NAA11: variants seen among roughly 807,000 people sequenced by gnomAD.
NAA11 encodes N-alpha-acetyltransferase 11, NatA catalytic subunit.
In NAA11, 15 loss-of-function variants were observed where a neutral mutation model predicts 16.1. That is an observed-to-expected ratio of 0.93 (90% CI 0.62 to 1.44). NAA11 has a LOEUF of 1.44. Among genes scored for constraint, NAA11 ranks in the 40% most tolerant of loss-of-function variants. The probability of loss-of-function intolerance (pLI) is 0.00; values close to 1 mark genes in which losing one functional copy is unlikely to be tolerated. For synonymous variants in NAA11, 122 were observed against 112.4 expected (o/e 1.09, Z -0.54); for missense variants, 298 against 291.3 (o/e 1.02, Z -0.17).
At chr4:79,256,635 TATATATATAAATATAA>T (rs1181710168) in intron 2 of NAA11, among the ~76,000 whole-genome samples, 1 of 106,434 alleles carries the variant, frequency 9.4e-6, no homozygotes, top group African/African-American at 3.2e-5. Flanking sequence ...AAATGAACCA[TATATATATAAATATAA>T]ATATATATAT....
intron 2 of NAA11, among the ~76,000 whole-genome samples, chr4:79,279,587 G>T (rs1722740184): frequency 6.6e-6 from 1 of 151,988 alleles, no homozygotes; most frequent in Admixed American, 6.6e-5. Context: ...CTCAACTCTG[G>T]GTCATTGCTT....
chr4:79,222,279 A>G (rs1721206216), downstream of NAA11, among the ~76,000 whole-genome samples: 1 of 151,820 alleles, frequency 6.6e-6, no homozygotes, highest in South Asian at 2.1e-4. Flanking sequence ...TTTCTTTATT[A>G]GTCTTGCTAG....
intron 2 of NAA11, among the ~76,000 whole-genome samples, chr4:79,270,359 C>A (rs1033577708): frequency 6.6e-6 from 1 of 151,856 alleles, no homozygotes; most frequent in Admixed American, 6.6e-5. Context: ...AGACCAATAA[C>A]AGGAGCTGAA....
intron 2 of NAA11, among the ~76,000 whole-genome samples, chr4:79,291,147 A>G (rs1723074456): frequency 6.6e-6 from 1 of 152,192 alleles, no homozygotes; most frequent in African/African-American, 2.4e-5. Context: ...GTTTATTTTA[A>G]AAGAGCGTGT....
the NAA11 span, among the ~76,000 whole-genome samples, chr4:79,189,390 C>A: frequency 2.6e-5 from 4 of 151,712 alleles, no homozygotes; most frequent in Non-Finnish European, 5.9e-5. Flanking sequence ...TTTGAGGAAG[C>A]AATAGGAAGT....
In NAA11 at chr4:79,244,400, G is replaced by C. The variant is rs572337027; in HGVS notation, c.*123-18130C>G. 2.0e-5 allele frequency among the ~76,000 whole-genome samples: 3 copies of C among 152,184 alleles called. No individual in the cohort carries two copies. The South Asian group carries it at 6.2e-4, about 32-fold the overall frequency. On this transcript the variant is annotated intron_variant and NMD_transcript_variant, in intron 2 of 2. Transcript: ENST00000511542. Reference sequence around the variant, plus strand: ...GATACATTGCCCAATTTTTCATTTAGTACTTTGCCTATTGTCTTTTTCACT... The same window carrying C: ...GATACATTGCCCAATTTTTCATTTACTACTTTGCCTATTGTCTTTTTCACT...
chr4:79,220,437 C>CTG, the NAA11 span, among the ~76,000 whole-genome samples: 11,812 of 142,926 alleles, frequency 0.083, 491 homozygotes, highest in African/African-American at 0.1. Context: ...GTGTGTGTGT[C>CTG]TGTGTGTGTG....
chr4:79,189,168 ATG>A, the NAA11 span, among the ~76,000 whole-genome samples: 1 of 147,308 alleles, frequency 6.8e-6, no homozygotes, highest in African/African-American at 2.5e-5. Flanking sequence ...AAAAAAACTT[ATG>A]AAGGAGGCAG....
intron 1 of NAA11, among the ~76,000 whole-genome samples, chr4:79,302,318 G>C (rs1444966145): frequency 6.6e-6 from 1 of 152,026 alleles, no homozygotes; most frequent in East Asian, 1.9e-4. Flanking sequence ...TCTGTGAGAG[G>C]TATTATTAAT....
chr4:79,190,932 C>T, the NAA11 span, among the ~76,000 whole-genome samples: 1 of 152,116 alleles, frequency 6.6e-6, no homozygotes, highest in African/African-American at 2.4e-5. Context: ...ATTTGGTTTT[C>T]TGTTCCTGCA....
intron 1 of NAA11, among the ~76,000 whole-genome samples, chr4:79,319,052 G>C (rs1188884456): frequency 1.3e-5 from 2 of 152,144 alleles, no homozygotes; most frequent in African/African-American, 2.4e-5. Flanking sequence ...TGAGTAGCTA[G>C]GACTACAAGC....
the NAA11 span, among the ~76,000 whole-genome samples, chr4:79,161,982 A>G: frequency 6.6e-6 from 1 of 152,164 alleles, no homozygotes; most frequent in African/African-American, 2.4e-5. Context: ...CACCCGGCCT[A>G]CTTAGTTCTT....
intron 1 of NAA11, 97 bp downstream of exon 1, chr4:79,325,079 G>A (rs1724218704): frequency 1.1e-5 from 13 of 1,137,468 alleles, no homozygotes; most frequent in Non-Finnish European, 1.6e-5. Context: ...AAATCTCGCA[G>A]GGCCAGAATG....
At chr4:79,263,399 G>T (rs1487931772) in intron 2 of NAA11, among the ~76,000 whole-genome samples, 2 of 151,218 alleles carry the variant, frequency 1.3e-5, no homozygotes, top group Non-Finnish European at 2.9e-5. Flanking sequence ...GAAAGTTTGA[G>T]CTCTGGGAGT....
the NAA11 span, among the ~76,000 whole-genome samples, chr4:79,185,883 A>C: frequency 3.3e-4 from 51 of 152,270 alleles, no homozygotes; most frequent in African/African-American, 1.1e-3. Flanking sequence ...AAAAAAAAAA[A>C]AACTTCATTT....
rs187252046 is a variant in NAA11 at position 79,276,401 on chromosome 4, C to T, written c.*122+17604G>A. ...TACAGCCTGGAGTAATAAGTCTTACCAAGCTCTCTCTCTGCTATATCCCGA... is the reference window on the plus strand; with the variant it reads ...TACAGCCTGGAGTAATAAGTCTTACTAAGCTCTCTCTCTGCTATATCCCGA... On this transcript the variant is annotated intron_variant and NMD_transcript_variant, in intron 2 of 2. Transcript: ENST00000511542. Among the ~76,000 whole-genome samples, 115 of 152,162 alleles carry T rather than the reference C, an allele frequency of 7.6e-4. 1 individual carries two copies. Among genetic ancestry groups the T allele is most frequent in the African/African-American group, 2.6e-3 (110 of 41,532 alleles).
At chr4:79,246,377 T>TAAAAAAAAAAA (rs869224539) in intron 2 of NAA11, among the ~76,000 whole-genome samples, 101 of 22,320 alleles carry the variant, frequency 4.5e-3, no homozygotes, top group Non-Finnish European at 5.2e-3. Flanking sequence ...CAATAAATAC[T>TAAAAAAAAAAA]AAAAAAAAAA....
chr4:79,198,553 C>A, the NAA11 span, among the ~76,000 whole-genome samples: 1 of 151,854 alleles, frequency 6.6e-6, no homozygotes, highest in Admixed American at 6.6e-5. Flanking sequence ...TCTGGGGTAT[C>A]CTCCTGTACC....
chr4:79,184,738 T>C, the NAA11 span, among the ~76,000 whole-genome samples: 1 of 152,178 alleles, frequency 6.6e-6, no homozygotes, highest in Admixed American at 6.5e-5. Flanking sequence ...CCCCCAACTT[T>C]GGCTGTGAAA....
Sources: allele counts gnomAD v4.1 joint callset (sites outside exome capture counted in the v4.1 genomes callset), GRCh38; gene constraint gnomAD v4.1.1; transcripts MANE v1.5; gene names NCBI Gene and HGNC (gene_info 2026-07-23, HGNC 2026-07-21).